UBQLN4: variants seen among roughly 807,000 people sequenced by gnomAD.
The protein encoded by UBQLN4 is ubiquilin-4.
A neutral mutation model predicts 60.4 loss-of-function variants in UBQLN4; 11 were observed. That is an observed-to-expected ratio of 0.18 (90% CI 0.11 to 0.30). The LOEUF is 0.30. Ranked by LOEUF, UBQLN4 falls within the 10% of genes least tolerant of loss-of-function variation. The pLI is 1.00. For synonymous variants in UBQLN4, 258 were observed against 313.1 expected (o/e 0.82, Z 1.86); for missense variants, 417 against 795.5 (o/e 0.52, Z 5.72).
rs1411764602 is a variant in UBQLN4, at chr1:156,037,034, T to C, written c.1750A>G (p.Thr584Ala). Residue 584 changes from threonine to alanine, a missense_variant, in exon 11 of 11, where the codon ACA (threonine) becomes GCA (alanine). Coordinates refer to ENST00000368309, the MANE Select transcript of UBQLN4 (RefSeq NM_020131.5). The stretch of plus-strand genomic sequence containing the variant: ...ATAGCTGCGTTGATGTCCCCTCCTG[T>C]GGCAATCAGGGCCTGCAGGTTAGCC... ...REANLQALIA[T>A]GGDINAAIER... 3 of 1,614,050 alleles carry C rather than the reference T, an allele frequency of 1.9e-6. No individual in the cohort carries two copies. The highest frequency in any genetic ancestry group is 2.5e-6 in the Non-Finnish European group (3 of 1,180,030).
downstream of UBQLN4, chr1:156,033,159 G>C (rs1683323670): frequency 1.0e-6 from 1 of 958,624 alleles, no homozygotes; most frequent in African/African-American, 1.8e-5. Context: ...GCAGAAGTCA[G>C]TGGAGGAAAA....
Position 156,051,315 on chromosome 1 carries a change from T to C in UBQLN4, c.273A>G (p.Pro91=), listed in dbSNP as rs561740215. Residue 91 remains proline, a synonymous_variant, in exon 3 of 11, where the codon CCA becomes CCG. Transcript: ENST00000368309. ...AGGGGGAAGAAGCAGTGGCAGCAGC[T>C]GGATCTTGAGCCCTGAGGACAGAGA... The part of the protein sequence containing the change: ...VIKTPQKAQD[P]AAATASSPST... 86 of 1,554,580 alleles carry C rather than the reference T, an allele frequency of 5.5e-5. 3 individuals carry two copies. In the South Asian group the frequency reaches 9.5e-4, roughly 17 times the overall value.
At chr1:156,047,173 T>A (rs752298656) in intron 5 of UBQLN4, among the ~76,000 whole-genome samples, 1 of 152,076 alleles carries the variant, frequency 6.6e-6, no homozygotes, top group Non-Finnish European at 1.5e-5. Flanking sequence ...TCTGTAAACC[T>A]TTTTTTAGCC....
chr1:156,053,567 C>T, intron 1 of UBQLN4, 27 bp downstream of exon 1: 3 of 853,746 alleles, frequency 3.5e-6, no homozygotes, highest in South Asian at 3.8e-5. Flanking sequence ...CCTCCGCGCT[C>T]CCCCCGCCCC....
chr1:156,052,075 C>T (rs1683886368), intron 1 of UBQLN4, among the ~76,000 whole-genome samples: 2 of 152,172 alleles, frequency 1.3e-5, no homozygotes, highest in South Asian at 4.1e-4. Flanking sequence ...AGCTCCATCC[C>T]AGAGTCTCCC....
chr1:156,039,134 G>T (rs1408897137), intron 10 of UBQLN4, among the ~76,000 whole-genome samples: 1 of 151,530 alleles, frequency 6.6e-6, no homozygotes, highest in Non-Finnish European at 1.5e-5. Flanking sequence ...TTTACAGACT[G>T]GGTCTCCCCG....
At chr1:156,046,884 C>T (rs1441274744) in intron 5 of UBQLN4, among the ~76,000 whole-genome samples, 4 of 152,070 alleles carry the variant, frequency 2.6e-5, no homozygotes, top group South Asian at 2.1e-4. Context: ...CATGGTACCA[C>T]CTCATATTTA....
chr1:156,035,557 C>T lies in UBQLN4; in HGVS notation c.*1421G>A. 3.0e-6 allele frequency: 3 copies of T among 985,464 alleles called. No individual in the cohort carries two copies. Among genetic ancestry groups the T allele is most frequent in the Non-Finnish European group, 3.6e-6 (3 of 829,934 alleles). 61.0% of individuals were successfully genotyped at this position (985,464 alleles called of 1,614,324 possible). On this transcript the variant is annotated 3_prime_UTR_variant, in exon 11 of 11. Coordinates refer to ENST00000368309, the MANE Select transcript of UBQLN4 (RefSeq NM_020131.5). ...GAAATGTCCAATTCCAGATCAAAGG[C>T]ATCATTGCCACCCTCTCCTCTCCTT... is the stretch of plus-strand genomic sequence containing the variant.
At chr1:156,033,815 G>C (rs1198311005), downstream of UBQLN4, among the ~76,000 whole-genome samples, 1 of 149,776 alleles carries the variant, frequency 6.7e-6, no homozygotes, top group Admixed American at 6.7e-5. Flanking sequence ...CTGCACTCTA[G>C]CCTGGGTGAC....
chr1:156,042,909 C>A lies in UBQLN4; in HGVS notation c.1131G>T (p.Met377Ile), dbSNP rs188794605. The change falls in exon 7 of 11, where the codon ATG becomes ATT. Residue 377 changes from methionine to isoleucine, a missense_variant. Met to Ile is a conservative substitution (Grantham distance 10). Transcript: ENST00000368309. ...GINAASLGSGMFNSPEMQALL... is the reference protein window; with the variant it reads ...GINAASLGSGIFNSPEMQALL... ...GGGCTTGCATTTCTGGGCTATTGAA[C>A]ATCCCTAGGACAAGGCGGAAAAAAA... 17 of 1,614,016 alleles carry A rather than the reference C, an allele frequency of 1.1e-5. No individual in the cohort carries two copies. In the African/African-American group the frequency reaches 2.3e-4, roughly 22 times the overall value.
intron 7 of UBQLN4, 78 bp downstream of exon 7, chr1:156,042,696 T>C: frequency 6.4e-7 from 1 of 1,562,026 alleles, no homozygotes; most frequent in Non-Finnish European, 8.7e-7. Flanking sequence ...GGCTCCACAG[T>C]GTTTTGACCA....
intron 10 of UBQLN4, 71 bp from the exon 11 acceptor site, chr1:156,037,201 T>C (rs1683426804): frequency 6.4e-6 from 10 of 1,558,896 alleles, no homozygotes; most frequent in East Asian, 2.2e-5. Context: ...TAAGGGTTTC[T>C]AAGACCAGCA....
At chr1:156,044,823 A>G (rs1158446865) in intron 5 of UBQLN4, among the ~76,000 whole-genome samples, 1 of 151,998 alleles carries the variant, frequency 6.6e-6, no homozygotes, top group African/African-American at 2.4e-5. Flanking sequence ...GGCGGCCCCT[A>G]GCAGAACACA....
rs373027954 is a variant in UBQLN4 at position 156,042,922 on chromosome 1, A to C, written c.1127-9T>G. The stretch of plus-strand genomic sequence containing the variant: ...TGGGCTATTGAACATCCCTAGGACA[A>C]GGCGGAAAAAAAGAAAACAGGAGAG... On this transcript the variant is annotated splice_polypyrimidine_tract_variant and intron_variant, in intron 6 of 10. Transcript: ENST00000368309. 1.5e-4 allele frequency: 244 copies of C among 1,612,948 alleles called. No individual in the cohort carries two copies. Among genetic ancestry groups the C allele is most frequent in the Non-Finnish European group, 1.9e-4 (228 of 1,179,548 alleles).
intron 2 of UBQLN4, among the ~76,000 whole-genome samples, 185 bp downstream of exon 2, chr1:156,051,521 G>A (rs188226076): frequency 1.3e-5 from 2 of 152,260 alleles, no homozygotes; most frequent in Admixed American, 1.3e-4. Flanking sequence ...AGTATTATCT[G>A]TCTTCAGGGC....
At chr1:156,049,876 C>A (rs1207678036) in intron 4 of UBQLN4, among the ~76,000 whole-genome samples, 1 of 152,222 alleles carries the variant, frequency 6.6e-6, no homozygotes, top group Non-Finnish European at 1.5e-5. Flanking sequence ...AAACAACCTA[C>A]TATCTTTCAC....
At chr1:156,042,114 C>T in intron 8 of UBQLN4, 39 bp downstream of exon 8, 1 of 1,607,476 alleles carries the variant, frequency 6.2e-7, no homozygotes, top group South Asian at 1.1e-5. Context: ...GGGACTACCC[C>T]TTGCCCTCAA....
intron 10 of UBQLN4, among the ~76,000 whole-genome samples, chr1:156,037,589 C>G (rs1683442284): frequency 1.3e-5 from 2 of 152,184 alleles, no homozygotes; most frequent in African/African-American, 4.8e-5. Flanking sequence ...GAGCGAGACT[C>G]TGTCTCAAAA....
intron 4 of UBQLN4, among the ~76,000 whole-genome samples, chr1:156,049,565 A>G (rs1438075535): frequency 6.6e-6 from 1 of 152,214 alleles, no homozygotes; most frequent in Admixed American, 6.5e-5. Flanking sequence ...TGATATGCCC[A>G]GCTTCCCAGA....
Sources: allele counts gnomAD v4.1 joint callset (sites outside exome capture counted in the v4.1 genomes callset), GRCh38; gene constraint gnomAD v4.1.1; transcripts MANE v1.5; gene names NCBI Gene and HGNC (gene_info 2026-07-23, HGNC 2026-07-21).